GLCCI1: variants seen among roughly 807,000 people sequenced by gnomAD.
The protein encoded by GLCCI1 is glucocorticoid-induced transcript 1 protein.
Under a neutral mutation model 52.2 loss-of-function variants are expected in GLCCI1, and 24 were observed. That is an observed-to-expected ratio of 0.46 (90% CI 0.33 to 0.65). The LOEUF is 0.65. Ranked by LOEUF, GLCCI1 falls within the 30% of genes least tolerant of loss-of-function variation. The probability of loss-of-function intolerance (pLI) is 0.02; values close to 1 mark genes in which losing one functional copy is unlikely to be tolerated. For missense variants in GLCCI1, 704 were observed against 701.5 expected, an observed-to-expected ratio of 1.00 and a Z score of -0.04; for synonymous variants, 310 against 276.5, an observed-to-expected ratio of 1.12 and a Z score of -1.20.
intron 2 of GLCCI1, among the ~76,000 whole-genome samples, chr7:8,009,359 T>G (rs1438647359): frequency 6.6e-6 from 1 of 152,170 alleles, no homozygotes; most frequent in Non-Finnish European, 1.5e-5. Context: ...TTTGAATGTG[T>G]TTTTAAATGC....
At chr7:8,077,486 A>G (rs770851720) in intron 6 of GLCCI1, among the ~76,000 whole-genome samples, 1 of 152,198 alleles carries the variant, frequency 6.6e-6, no homozygotes, top group Non-Finnish European at 1.5e-5. Context: ...ACAATAATCA[A>G]CATTGACTCT....
chr7:8,007,320 G>A (rs183478262), intron 2 of GLCCI1, among the ~76,000 whole-genome samples: 82 of 152,130 alleles, frequency 5.4e-4, no homozygotes, highest in Non-Finnish European at 1.0e-3. Context: ...ATATTACATC[G>A]TTATGTAATA....
chr7:7,990,887 C>T (rs1780827247), intron 1 of GLCCI1, among the ~76,000 whole-genome samples: 1 of 152,072 alleles, frequency 6.6e-6, no homozygotes, highest in Non-Finnish European at 1.5e-5. Flanking sequence ...AAAAGTGTAG[C>T]TAGTTGTGTT....
chr7:8,087,992 T>G lies in GLCCI1; in HGVS notation c.*1454T>G. 6.6e-6 allele frequency: 1 copy of G among 152,280 alleles called. No individual in the cohort carries two copies. Among genetic ancestry groups the G allele is most frequent in the East Asian group, 1.9e-4 (1 of 5,192 alleles). The allele number at this position is 152,280 out of a possible 1,614,324, so 9.4% of individuals were successfully genotyped here. The stretch of plus-strand genomic sequence containing the variant: ...TACAAAGAGTATCCAAAAGCTAAGT[T>G]TTTGTATTCCACTACTTTCAGTTCA... On this transcript the variant is annotated 3_prime_UTR_variant, in exon 8 of 8. Coordinates refer to ENST00000223145, the MANE Select transcript of GLCCI1 (RefSeq NM_138426.4).
At chr7:7,979,839 A>G (rs971449884) in intron 1 of GLCCI1, among the ~76,000 whole-genome samples, 32 of 152,232 alleles carry the variant, frequency 2.1e-4, no homozygotes, top group African/African-American at 7.2e-4. Context: ...GGGAAGTGAC[A>G]AACTTTTCAT....
Position 7,984,465 on chromosome 7 carries a change from ACT to A in GLCCI1, c.457+14659_457+14660del, listed in dbSNP as rs576548796. 7.1e-3 allele frequency among the ~76,000 whole-genome samples: 1,078 copies of A among 152,328 alleles called. 7 individuals carry two copies. Among genetic ancestry groups the A allele is most frequent in the Non-Finnish European group, 0.012 (830 of 68,024 alleles). The stretch of plus-strand genomic sequence containing the variant: ...AGTCCCTCCTAAAGACTGTGGTAAT[ACT>A]GAGCTCCAAGTAAGGAGAATGTGAA... On this transcript the variant is annotated intron_variant, in intron 1 of 7. Transcript: ENST00000223145.
intron 3 of GLCCI1, among the ~76,000 whole-genome samples, chr7:8,037,642 A>C (rs1329147064): frequency 6.6e-6 from 1 of 152,196 alleles, no homozygotes; most frequent in Non-Finnish European, 1.5e-5. Flanking sequence ...TATCTTGCTT[A>C]CAAGAAATCC....
intron 1 of GLCCI1, among the ~76,000 whole-genome samples, chr7:8,003,119 A>G (rs930816301): frequency 2.6e-5 from 4 of 152,252 alleles, no homozygotes; most frequent in African/African-American, 9.6e-5. Context: ...GTTGGTTCCT[A>G]TTTAGTCTGT....
intron 1 of GLCCI1, chr7:7,982,095 A>G (rs37984): frequency 0.74 from 332,876 of 452,458 alleles, 123,096 homozygotes; most frequent in African/African-American, 0.87. Context: ...AGCTGATCGC[A>G]AGAGAGGAAT....
intron 1 of GLCCI1, among the ~76,000 whole-genome samples, chr7:7,971,133 C>T (rs1399849735): frequency 1.3e-5 from 2 of 152,132 alleles, no homozygotes; most frequent in African/African-American, 4.8e-5. Context: ...AGTACATGAG[C>T]AGCAAGAAAT....
chr7:8,078,985 G>C (rs1447733875), intron 6 of GLCCI1, among the ~76,000 whole-genome samples: 1 of 152,074 alleles, frequency 6.6e-6, no homozygotes, highest in Admixed American at 6.6e-5. Context: ...ATCTAATGTT[G>C]CACTGACAAC....
intron 2 of GLCCI1, among the ~76,000 whole-genome samples, chr7:8,010,025 T>G (rs897496695): frequency 3.3e-5 from 5 of 152,120 alleles, no homozygotes; most frequent in Admixed American, 6.5e-5. Context: ...CTTTAATGGT[T>G]TATTTTCCTG....
Position 8,086,399 on chromosome 7 carries a change from C to T in GLCCI1, c.1505C>T (p.Ser502Phe), listed in dbSNP as rs1783107523. 6.2e-7 allele frequency: 1 copy of T among 1,614,024 alleles called. No individual in the cohort carries two copies. Among genetic ancestry groups the T allele is most frequent in the African/African-American group, 1.3e-5 (1 of 74,900 alleles). Residue 502 changes from serine to phenylalanine, a missense_variant, in exon 8 of 8, where the codon TCC becomes TTC. Ser to Phe is a radical substitution (Grantham distance 155). Around this residue, in one of 3 missense-constraint regions of GLCCI1, gnomAD observed 149 missense variants for 152.9 expected, o/e 0.97. Transcript: ENST00000223145. This position sits in a 1 kb window ranked among gnomAD's most constrained non-coding sequence, Gnocchi z 4.4. Reference sequence around the variant, plus strand: ...GTTGAGCAGCTCTCATCCCGGGTTTCCTTTACGTCTCTTTCTGATGACACC... The same window carrying T: ...GTTGAGCAGCTCTCATCCCGGGTTTTCTTTACGTCTCTTTCTGATGACACC... ...LTVEQLSSRV[S>F]FTSLSDDTST...
intron 3 of GLCCI1, among the ~76,000 whole-genome samples, chr7:8,031,682 T>C (rs1448829386): frequency 6.6e-6 from 1 of 151,948 alleles, no homozygotes; most frequent in Non-Finnish European, 1.5e-5. Context: ...ACCTACTATG[T>C]ACCCACAATA....
chr7:7,973,895 A>G (rs1780407494), intron 1 of GLCCI1, among the ~76,000 whole-genome samples: 1 of 152,076 alleles, frequency 6.6e-6, no homozygotes, highest in South Asian at 2.1e-4. Context: ...ATGGAATACA[A>G]AAAATTTTAA....
At chr7:8,061,145 G>A (rs1021461193) in intron 5 of GLCCI1, among the ~76,000 whole-genome samples, 2 of 150,918 alleles carry the variant, frequency 1.3e-5, no homozygotes, top group Non-Finnish European at 2.9e-5. Flanking sequence ...TTTCACCCAG[G>A]CTGGAGTGCA....
intron 3 of GLCCI1, among the ~76,000 whole-genome samples, chr7:8,049,492 T>G (rs918539397): frequency 6.6e-6 from 1 of 152,190 alleles, no homozygotes; most frequent in Non-Finnish European, 1.5e-5. Context: ...CTAAATTAAA[T>G]TGAATCGTAA....
intron 3 of GLCCI1, among the ~76,000 whole-genome samples, chr7:8,035,992 G>A (rs1159323544): frequency 6.6e-6 from 1 of 152,202 alleles, no homozygotes; most frequent in Non-Finnish European, 1.5e-5. Context: ...TCAGGCTACT[G>A]TGCATTACAC....
At chr7:8,000,567 A>G (rs1334964660) in intron 1 of GLCCI1, among the ~76,000 whole-genome samples, 3 of 152,212 alleles carry the variant, frequency 2.0e-5, no homozygotes, top group Admixed American at 6.5e-5. Context: ...GCTCGCTACA[A>G]TGTTTTTTTC....
Sources: gnomAD v4.1 joint callset for allele counts (sites outside exome capture counted in the v4.1 genomes callset) on GRCh38, gnomAD v4.1.1 for gene constraint, gnomAD v4.1.1 regional missense constraint, Gnocchi (gnomAD v3.1) non-coding constraint, MANE v1.5 for transcripts, NCBI Gene and HGNC (gene_info 2026-07-23, HGNC 2026-07-21) for gene names.